ZMYM4: variants seen among roughly 807,000 people sequenced by gnomAD.
ZMYM4 encodes zinc finger MYM-type protein 4.
ZMYM4 carries 31 observed loss-of-function variants against 183.2 expected under a neutral mutation model. The observed-to-expected ratio is 0.17, with a 90% CI of 0.13 to 0.23. The LOEUF (loss-of-function observed/expected upper bound fraction) is 0.23. Among genes scored for constraint, ZMYM4 ranks in the 10% least tolerant of loss-of-function variants. The pLI is 1.00. For synonymous variants in ZMYM4, 592 were observed against 631.2 expected (o/e 0.94, Z 0.93); for missense variants, 1,273 against 1,840.3 (o/e 0.69, Z 5.64).
Position 35,385,548 on chromosome 1 carries a change from T to A in ZMYM4, c.1676T>A (p.Val559Asp). ...GGGAAGACAGAGCTTTTCTGTTCTG[T>A]TAATTGCTTATCTGCTTACAGAGTT... ...SLGKTELFCS[V>D]NCLSAYRVKM... The change falls in exon 10 of 30, where the codon GTT (valine) becomes GAT (aspartate). Residue 559 changes from valine to aspartate, a missense_variant. Around this residue, in one of 6 missense-constraint regions of ZMYM4, gnomAD observed 319 missense variants for 518.1 expected, o/e 0.62. Transcript: ENST00000314607. 1 of 1,612,582 alleles carries A rather than the reference T, an allele frequency of 6.2e-7. No homozygotes were observed. The highest frequency in any genetic ancestry group is 8.5e-7 in the Non-Finnish European group (1 of 1,179,594).
chr1:35,313,481 T>C (rs1641898550), intron 1 of ZMYM4, among the ~76,000 whole-genome samples: 1 of 148,670 alleles, frequency 6.7e-6, no homozygotes, highest in South Asian at 2.2e-4. Context: ...GTCCACCTCC[T>C]GGGCTCAAAT....
intron 26 of ZMYM4, among the ~76,000 whole-genome samples, chr1:35,413,009 G>A (rs1375998208): frequency 6.6e-6 from 1 of 151,980 alleles, no homozygotes; most frequent in East Asian, 1.9e-4. Flanking sequence ...CTCATGGTGT[G>A]TCCCTGTCTC....
chr1:35,358,037 G>GA (rs915342099), intron 2 of ZMYM4, among the ~76,000 whole-genome samples: 2 of 152,142 alleles, frequency 1.3e-5, no homozygotes, highest in Non-Finnish European at 2.9e-5. Context: ...TTTAGGAATT[G>GA]AAAAAAGTCA....
intron 1 of ZMYM4, among the ~76,000 whole-genome samples, chr1:35,285,375 T>C (rs1640427327): frequency 6.6e-6 from 1 of 152,164 alleles, no homozygotes. Flanking sequence ...ACAGGTCTTT[T>C]AGTGTACAAG....
At chr1:35,384,695 G>A (rs1570491508) in intron 9 of ZMYM4, among the ~76,000 whole-genome samples, 1 of 152,168 alleles carries the variant, frequency 6.6e-6, no homozygotes, top group East Asian at 1.9e-4. Flanking sequence ...CACCTTTGGA[G>A]GGGGTTATTT....
At chr1:35,277,990 T>G (rs1639955992) in intron 1 of ZMYM4, among the ~76,000 whole-genome samples, 1 of 152,178 alleles carries the variant, frequency 6.6e-6, no homozygotes, top group South Asian at 2.1e-4. Flanking sequence ...GCTACATACT[T>G]GGTAGCTTAA....
chr1:35,313,470 C>T (rs923485154), intron 1 of ZMYM4, among the ~76,000 whole-genome samples: 10 of 147,328 alleles, frequency 6.8e-5, no homozygotes, highest in Admixed American at 2.8e-4. Flanking sequence ...CCCACTGCAA[C>T]GTCCACCTCC....
At chr1:35,314,664 A>ATTTTTTTTTTTTTTTT (rs769116908) in intron 1 of ZMYM4, among the ~76,000 whole-genome samples, 7 of 88,924 alleles carry the variant, frequency 7.9e-5, no homozygotes, top group Admixed American at 3.1e-4. Context: ...TTCAAAAATG[A>ATTTTTTTTTTTTTTTT]TTTTTTTTTT....
intron 1 of ZMYM4, among the ~76,000 whole-genome samples, chr1:35,286,594 AT>A (rs35510573): frequency 3.1e-3 from 360 of 117,540 alleles, no homozygotes; most frequent in African/African-American, 4.3e-3. Context: ...CTGTCTGCCT[AT>A]TTTTTTTTTT....
chr1:35,281,374 T>A (rs1640150840), intron 1 of ZMYM4, among the ~76,000 whole-genome samples: 1 of 151,864 alleles, frequency 6.6e-6, no homozygotes, highest in Non-Finnish European at 1.5e-5. Flanking sequence ...AGACAAAAAC[T>A]GCATCTTGTC....
rs1640277860 is a variant in ZMYM4 at position 35,420,160 on chromosome 1, A to G, written c.*483A>G. 6.3e-6 allele frequency: 1 copy of G among 157,708 alleles called. No individual in the cohort carries two copies. The highest frequency in any genetic ancestry group is 1.4e-5 in the Non-Finnish European group (1 of 70,800). 9.8% of individuals were successfully genotyped at this position (157,708 alleles called of 1,614,324 possible). On this transcript the variant is annotated 3_prime_UTR_variant, in exon 30 of 30. Coordinates refer to ENST00000314607, the MANE Select transcript of ZMYM4 (RefSeq NM_005095.3). Reference sequence around the variant, plus strand: ...TGTGGGACCCAGATTTGAAGACCCAATAAAAATACTCAACTTTTTAAAAAA... The same window carrying G: ...TGTGGGACCCAGATTTGAAGACCCAGTAAAAATACTCAACTTTTTAAAAAA...
chr1:35,379,984 G>A (rs1002817166), intron 7 of ZMYM4, among the ~76,000 whole-genome samples: 6 of 152,206 alleles, frequency 3.9e-5, no homozygotes, highest in African/African-American at 1.4e-4. Context: ...TAGCAAAAAC[G>A]TTTGAAATAT....
At chr1:35,344,719 C>T (rs1401745277) in intron 2 of ZMYM4, among the ~76,000 whole-genome samples, 1 of 152,048 alleles carries the variant, frequency 6.6e-6, no homozygotes, top group African/African-American at 2.4e-5. Flanking sequence ...TTTCTATATT[C>T]AATTTGCCAA....
intron 2 of ZMYM4, among the ~76,000 whole-genome samples, chr1:35,343,830 C>T (rs182660476): frequency 1.3e-5 from 2 of 151,344 alleles, no homozygotes; most frequent in Admixed American, 1.3e-4. Flanking sequence ...CGCCACTGCA[C>T]TCCAGCCTGG....
At chr1:35,403,020 A>G (rs1283414131) in intron 23 of ZMYM4, among the ~76,000 whole-genome samples, 2 of 152,204 alleles carry the variant, frequency 1.3e-5, no homozygotes, top group Non-Finnish European at 2.9e-5. Flanking sequence ...GGTGGTTTCT[A>G]TCAGGTTGAA....
intron 1 of ZMYM4, among the ~76,000 whole-genome samples, chr1:35,296,356 C>T (rs1159968327): frequency 3.4e-5 from 4 of 118,326 alleles, no homozygotes; most frequent in South Asian, 2.7e-4. Context: ...AAGCCACTAG[C>T]GATACCTCCA....
At chr1:35,338,306 C>T (rs911612385) in intron 2 of ZMYM4, among the ~76,000 whole-genome samples, 5 of 152,128 alleles carry the variant, frequency 3.3e-5, no homozygotes, top group African/African-American at 4.8e-5. Flanking sequence ...TTGAACTGTA[C>T]GGGTCCACTT....
rs868866128 is a variant in ZMYM4, at chr1:35,403,064, T to A, written c.3529-1959T>A. Among the ~76,000 whole-genome samples, 6 of 152,188 alleles carry A rather than the reference T, an allele frequency of 3.9e-5. No individual in the cohort carries two copies. The South Asian group carries it at 1.2e-3, about 31-fold the overall frequency. On this transcript the variant is annotated intron_variant, in intron 23 of 29. Transcript: ENST00000314607. Reference sequence around the variant, plus strand: ...CCTTCTCCTTTTAATTTGCTGAAAGTTTTTTAAATCATGATTGGGTATTGA... The same window carrying A: ...CCTTCTCCTTTTAATTTGCTGAAAGATTTTTAAATCATGATTGGGTATTGA...
intron 1 of ZMYM4, among the ~76,000 whole-genome samples, chr1:35,282,885 A>G (rs1453863292): frequency 1.3e-5 from 2 of 149,924 alleles, no homozygotes; most frequent in Non-Finnish European, 3.0e-5. Context: ...AACCTTTTGC[A>G]CAGGGGCTAT....
Sources: gnomAD v4.1 joint callset for allele counts (sites outside exome capture counted in the v4.1 genomes callset) on GRCh38, gnomAD v4.1.1 for gene constraint, gnomAD v4.1.1 regional missense constraint, MANE v1.5 for transcripts, NCBI Gene and HGNC (gene_info 2026-07-23, HGNC 2026-07-21) for gene names.